CEACAM6: variants seen among roughly 807,000 people sequenced by gnomAD.
CEACAM6 encodes CEA cell adhesion molecule 6, also known as cell adhesion molecule CEACAM6.
In CEACAM6, 21 loss-of-function variants were observed where a neutral mutation model predicts 32.4. The ratio of observed to expected loss-of-function variants is 0.65; its 90% CI spans 0.46 to 0.93. The LOEUF is 0.93. Among genes scored for constraint, CEACAM6 ranks in the 40% least tolerant of loss-of-function variants. The pLI is 0.00. For missense variants in CEACAM6, 406 were observed against 432.2 expected (o/e 0.94, Z 0.54); for synonymous variants, 184 against 174.4 (o/e 1.06, Z -0.43).
intron 4 of CEACAM6, among the ~76,000 whole-genome samples, chr19:41,762,562 CCAA>C (rs2072933230): frequency 1.3e-5 from 2 of 152,154 alleles, no homozygotes; most frequent in Non-Finnish European, 2.9e-5. Flanking sequence ...CTCTCTGTCA[CCAA>C]CAATTCCCTT....
At position 41,761,440 on chromosome 19, in the gene CEACAM6, A is replaced by G; in HGVS notation, c.616A>G (p.Lys206Glu). ...GNMTLTLLSV[K>E]RNDAGSYECE... ...CATGACCCTCACTCTACTCAGCGTC[A>G]AAAGGAACGATGCAGGATCCTATGA... is the stretch of plus-strand genomic sequence containing the variant. Residue 206 changes from lysine (K) to glutamate (E), a missense_variant, in exon 3 of 6, where the codon AAA (lysine) becomes GAA (glutamate). Lys to Glu is a moderately conservative substitution (Grantham distance 56). Transcript: ENST00000199764. 3.1e-6 allele frequency: 5 copies of G among 1,614,224 alleles called. No homozygotes were observed. The highest frequency in any genetic ancestry group is 4.2e-6 in the Non-Finnish European group (5 of 1,180,028).
At chr19:41,767,435 T>C (rs2072963100) in intron 5 of CEACAM6, among the ~76,000 whole-genome samples, 1 of 152,116 alleles carries the variant, frequency 6.6e-6, no homozygotes, top group African/African-American at 2.4e-5. Context: ...CCAGGGAACA[T>C]AAAGCCCAAG....
At chr19:41,761,728 G>A (rs62117369) in intron 3 of CEACAM6, among the ~76,000 whole-genome samples, 1 of 152,164 alleles carries the variant, frequency 6.6e-6, no homozygotes, top group South Asian at 2.1e-4. Flanking sequence ...TGCTACTTCT[G>A]CTCAAACACC....
intron 5 of CEACAM6, among the ~76,000 whole-genome samples, chr19:41,767,024 A>AAG (rs1196093217): frequency 4.0e-5 from 6 of 151,236 alleles, no homozygotes; most frequent in Non-Finnish European, 8.9e-5. Flanking sequence ...AAAAAAAAAA[A>AAG]AGAAGCCAAA....
intron 1 of CEACAM6, among the ~76,000 whole-genome samples, chr19:41,756,288 G>A (rs1555820991): frequency 1.3e-5 from 2 of 152,152 alleles, no homozygotes; most frequent in Non-Finnish European, 1.5e-5. Context: ...TAGAGGGGGT[G>A]TCAGGGAAGG....
Position 41,755,664 on chromosome 19 carries a change from G to A in CEACAM6, c.26G>A (p.Cys9Tyr), listed in dbSNP as rs782468449. The A allele has an allele frequency of 4.4e-6, 7 of 1,608,160 alleles. No individual in the cohort carries two copies. The South Asian group carries it at 7.7e-5, about 18-fold the overall frequency. MGPPSAPP[C>Y]RLHVPWKEVL... Reference sequence around the variant, plus strand: ...ATGGGACCCCCCTCAGCCCCTCCCTGCAGATTGCATGTCCCCTGGAAGGAG... The same window carrying A: ...ATGGGACCCCCCTCAGCCCCTCCCTACAGATTGCATGTCCCCTGGAAGGAG... Residue 9 changes from cysteine to tyrosine, a missense_variant, in exon 1 of 6, where the codon TGC becomes TAC. Physicochemically the swap from Cys to Tyr is radical, Grantham distance 194. Transcript: ENST00000199764.
chr19:41,760,668 GGT>G (rs1243307041), intron 2 of CEACAM6, among the ~76,000 whole-genome samples: 7 of 152,168 alleles, frequency 4.6e-5, no homozygotes, highest in Non-Finnish European at 8.8e-5. Flanking sequence ...CCCCACCTGT[GGT>G]TCCACTGCCT....
At chr19:41,763,614 C>T (rs1361856841) in intron 4 of CEACAM6, among the ~76,000 whole-genome samples, 1 of 152,204 alleles carries the variant, frequency 6.6e-6, no homozygotes, top group Non-Finnish European at 1.5e-5. Flanking sequence ...AAGCAGGTGG[C>T]CTCGATCTCC....
intron 5 of CEACAM6, 68 bp from the exon 6 acceptor site, chr19:41,770,734 A>G (rs2072989230): frequency 6.6e-6 from 1 of 152,206 alleles, no homozygotes; most frequent in South Asian, 2.1e-4. Flanking sequence ...GTTGAAAAAA[A>G]CTATAGTACA....
At chr19:41,762,331 G>A (rs573018956) in intron 4 of CEACAM6, 108 bp downstream of exon 4, 85 of 1,306,466 alleles carry the variant, frequency 6.5e-5, no homozygotes, top group Admixed American at 1.1e-4. Flanking sequence ...AGGGGCACAC[G>A]CAAATCCCAA....
intron 5 of CEACAM6, among the ~76,000 whole-genome samples, chr19:41,769,480 C>A (rs2072979012): frequency 6.6e-6 from 1 of 151,994 alleles, no homozygotes; most frequent in Non-Finnish European, 1.5e-5. Context: ...TTTCATGAGA[C>A]TAAAAGATAA....
intron 4 of CEACAM6, among the ~76,000 whole-genome samples, chr19:41,765,321 G>T (rs2072949912): frequency 6.6e-6 from 1 of 152,218 alleles, no homozygotes; most frequent in South Asian, 2.1e-4. Flanking sequence ...CTCAACAGTA[G>T]CTAACCTAGC....
chr19:41,757,048 C>T (rs1277820162), intron 2 of CEACAM6, 89 bp downstream of exon 2: 4 of 1,530,724 alleles, frequency 2.6e-6, no homozygotes, highest in East Asian at 4.5e-5. Flanking sequence ...GCCTGTGGCC[C>T]TCTCTGCATT....
chr19:41,755,579 G>C lies in CEACAM6; in HGVS notation c.-60G>C. 6.5e-7 allele frequency: 1 copy of C among 1,533,406 alleles called. No homozygotes were observed. Among genetic ancestry groups the C allele is most frequent in the Non-Finnish European group, 9.0e-7 (1 of 1,107,372 alleles). The allele number at this position is 1,533,406 out of a possible 1,614,324, so 95.0% of individuals were successfully genotyped here. A position where few individuals can be genotyped will look rare whatever the true frequency, so the allele number is the denominator to read the frequency against. ...CCAACAGTCACAGCAGCCCTGACCA[G>C]AGCATTCCTGGAGCTCAAGCTCCTC... On this transcript the variant is annotated 5_prime_UTR_variant, in exon 1 of 6. Transcript: ENST00000199764.
intron 5 of CEACAM6, among the ~76,000 whole-genome samples, chr19:41,768,014 A>G (rs1287238241): frequency 6.6e-6 from 1 of 152,230 alleles, no homozygotes. Context: ...ATTATAAGCC[A>G]TAATGTCATA....
chr19:41,759,451 A>G (rs1439508933), intron 2 of CEACAM6, among the ~76,000 whole-genome samples: 1 of 152,228 alleles, frequency 6.6e-6, no homozygotes, highest in Non-Finnish European at 1.5e-5. Flanking sequence ...ATTTACTAAC[A>G]TAACACACGT....
At chr19:41,768,702 A>T (rs8104232) in intron 5 of CEACAM6, among the ~76,000 whole-genome samples, 1 of 142,400 alleles carries the variant, frequency 7.0e-6, no homozygotes, top group Non-Finnish European at 1.6e-5. Flanking sequence ...CTCACCTCCC[A>T]GACGGGGCGG....
chr19:41,761,150 G>A lies in CEACAM6; in HGVS notation c.425-99G>A, dbSNP rs539346683. The A allele has an allele frequency of 1.7e-5, 27 of 1,583,038 alleles. No homozygotes were observed. In the African/African-American group the frequency reaches 2.7e-4, roughly 16 times the overall value. On this transcript the variant is annotated intron_variant, in intron 2 of 5. Transcript: ENST00000199764. ...CTGCCAGGGGCTTTTAAGGACTCAA[G>A]GGGGCTGAGAGGTGAGAGATGCCAA...
chr19:41,766,167 C>G lies in CEACAM6; in HGVS notation c.959-16C>G, dbSNP rs1260474957. ...GAATAACATCACCTTCATTCCTTCTCTCTTCTTCCCACAAGGAAGTGCTCC... is the reference window on the plus strand; with the variant it reads ...GAATAACATCACCTTCATTCCTTCTGTCTTCTTCCCACAAGGAAGTGCTCC... On this transcript the variant is annotated splice_polypyrimidine_tract_variant and intron_variant, in intron 4 of 5. Transcript: ENST00000199764. 1 of 1,587,890 alleles carries G rather than the reference C, an allele frequency of 6.3e-7. No individual in the cohort carries two copies. The highest frequency in any genetic ancestry group is 1.4e-5 in the African/African-American group (1 of 73,646).
Sources: gnomAD v4.1 joint callset for allele counts (sites outside exome capture counted in the v4.1 genomes callset) on GRCh38, gnomAD v4.1.1 for gene constraint, MANE v1.5 for transcripts, NCBI Gene and HGNC (gene_info 2026-07-23, HGNC 2026-07-21) for gene names.